The following PDZRN3 variants were observed in gnomAD, a reference collection of about 807,000 sequenced individuals.
PDZRN3 encodes E3 ubiquitin-protein ligase PDZRN3.
Under a neutral mutation model 85.7 loss-of-function variants are expected in PDZRN3, and 38 were observed. The ratio of observed to expected loss-of-function variants is 0.44; its 90% CI spans 0.34 to 0.58. The LOEUF is 0.58. Among genes scored for constraint, PDZRN3 ranks in the 20% least tolerant of loss-of-function variants. The probability of loss-of-function intolerance (pLI) is 0.01; values close to 1 mark genes in which losing one functional copy is unlikely to be tolerated. For synonymous variants in PDZRN3, 759 were observed against 638.0 expected (o/e 1.19, Z -2.86); for missense variants, 1,629 against 1,506.4 (o/e 1.08, Z -1.35).
intron 3 of PDZRN3, among the ~76,000 whole-genome samples, chr3:73,573,878 C>T (rs1239746663): frequency 6.6e-6 from 1 of 152,104 alleles, no homozygotes; most frequent in Non-Finnish European, 1.5e-5. Flanking sequence ...CAGCTCTAAA[C>T]ATTAACCCAT....
chr3:73,475,256 C>T (rs1044633888), intron 3 of PDZRN3, among the ~76,000 whole-genome samples: 1 of 152,200 alleles, frequency 6.6e-6, no homozygotes, highest in African/African-American at 2.4e-5. Flanking sequence ...AGATCATACC[C>T]TAATCACATC....
chr3:73,445,017 C>T (rs958194364), intron 3 of PDZRN3, among the ~76,000 whole-genome samples: 1 of 152,082 alleles, frequency 6.6e-6, no homozygotes, highest in South Asian at 2.1e-4. Flanking sequence ...GGTGAAGAGG[C>T]CTGTGACTGG....
intron 3 of PDZRN3, among the ~76,000 whole-genome samples, chr3:73,421,296 G>C (rs1279023945): frequency 6.6e-6 from 1 of 152,148 alleles, no homozygotes; most frequent in Non-Finnish European, 1.5e-5. Flanking sequence ...AAGAGTTTAA[G>C]GTTCAGAGAG....
At chr3:73,472,798 G>T (rs901681817) in intron 3 of PDZRN3, among the ~76,000 whole-genome samples, 2 of 152,156 alleles carry the variant, frequency 1.3e-5, no homozygotes, top group Non-Finnish European at 2.9e-5. Flanking sequence ...CGTTCAGAAA[G>T]CTGGATTAGC....
intron 3 of PDZRN3, among the ~76,000 whole-genome samples, chr3:73,553,210 T>C (rs774601364): frequency 1.2e-4 from 18 of 152,314 alleles, no homozygotes; most frequent in Admixed American, 3.3e-4. Context: ...TTCAGAATAG[T>C]GCTTACGCTT....
chr3:73,442,969 A>C (rs994845784), intron 3 of PDZRN3, among the ~76,000 whole-genome samples: 12 of 151,628 alleles, frequency 7.9e-5, no homozygotes, highest in Non-Finnish European at 1.3e-4. Context: ...ACTGCAGCCT[A>C]CCTCCCTCCC....
intron 3 of PDZRN3, among the ~76,000 whole-genome samples, chr3:73,543,710 G>A (rs983911604): frequency 1.3e-5 from 2 of 152,192 alleles, no homozygotes; most frequent in Non-Finnish European, 2.9e-5. Flanking sequence ...GAACTGCGCT[G>A]TAGAGAGTTA....
At chr3:73,500,844 A>G (rs779217006) in intron 3 of PDZRN3, among the ~76,000 whole-genome samples, 16 of 152,120 alleles carry the variant, frequency 1.1e-4, no homozygotes, top group Non-Finnish European at 1.9e-4. Flanking sequence ...ATTTCTTCAC[A>G]CAGCCTAACT....
At chr3:73,394,396 CCT>C (rs994098487) in intron 5 of PDZRN3, among the ~76,000 whole-genome samples, 66 of 152,254 alleles carry the variant, frequency 4.3e-4, no homozygotes, top group African/African-American at 1.5e-3. Flanking sequence ...CATCATAAAT[CCT>C]CTCAGAACAA....
intron 3 of PDZRN3, among the ~76,000 whole-genome samples, chr3:73,427,829 C>T (rs778429687): frequency 1.9e-4 from 29 of 152,206 alleles, no homozygotes; most frequent in African/African-American, 2.7e-4. Context: ...AAGTCCCTAC[C>T]TTCATGGGGC....
chr3:73,548,855 T>C (rs754817309), intron 3 of PDZRN3, among the ~76,000 whole-genome samples: 1 of 151,884 alleles, frequency 6.6e-6, no homozygotes, highest in Non-Finnish European at 1.5e-5. Flanking sequence ...GGTGAAGACA[T>C]AAGGAAAAAT....
At chr3:73,404,476 A>G in intron 3 of PDZRN3, 81 bp from the exon 4 acceptor site, 1 of 1,423,656 alleles carries the variant, frequency 7.0e-7, no homozygotes, top group East Asian at 2.3e-5. Flanking sequence ...GCCTGCTTTC[A>G]TGTGTAAGCA....
chr3:73,388,055 C>T lies in PDZRN3; in HGVS notation c.1431G>A (p.Glu477=). Reference sequence around the variant, plus strand: ...CCACAGCCTCTTCACGGTTCTGCACCTCTATCCCATTAATCTTTTAAAAAA... The same window carrying T: ...CCACAGCCTCTTCACGGTTCTGCACTTCTATCCCATTAATCTTTTAAAAAA... ...GDRIIQINGI[E]VQNREEAVAL... The change falls in exon 8 of 10, where the codon GAG becomes GAA. Residue 477 remains glutamate, a synonymous_variant. Coordinates refer to ENST00000263666, the MANE Select transcript of PDZRN3 (RefSeq NM_015009.3). 7.3e-7 allele frequency: 1 copy of T among 1,374,566 alleles called. No homozygotes were observed. Among genetic ancestry groups the T allele is most frequent in the Non-Finnish European group, 1.0e-6 (1 of 1,001,760 alleles). The allele number at this position is 1,374,566 out of a possible 1,614,324, so 85.1% of individuals were successfully genotyped here. A position where few individuals can be genotyped will look rare whatever the true frequency, so the allele number is the denominator to read the frequency against.
rs56393203 is a variant in PDZRN3, at chr3:73,584,452, G to GGTGTGT, written c.918+17896_918+17901dup. ...CAAGTTAAGTGGTGCTTCATTTAAT[G>GGTGTGT]GTGTGTGTGTGTGTGTGTGTGTGTG... On this transcript the variant is annotated intron_variant, in intron 3 of 9. Coordinates refer to ENST00000263666, the MANE Select transcript of PDZRN3 (RefSeq NM_015009.3). Among the ~76,000 whole-genome samples, 317 of 83,972 alleles carry GGTGTGT rather than the reference G, an allele frequency of 3.8e-3. 1 individual carries two copies. The highest frequency in any genetic ancestry group is 4.6e-3 in the Admixed American group (33 of 7,150). The allele number at this position is 83,972 out of a possible 152,430, so 55.1% of individuals were successfully genotyped here.
At chr3:73,511,503 G>T (rs2106707807) in intron 3 of PDZRN3, among the ~76,000 whole-genome samples, 1 of 152,282 alleles carries the variant, frequency 6.6e-6, no homozygotes, top group East Asian at 1.9e-4. Context: ...TCTTTGTGGG[G>T]CAAGCTTTTC....
intron 3 of PDZRN3, among the ~76,000 whole-genome samples, chr3:73,499,275 T>C (rs908007514): frequency 4.9e-4 from 74 of 152,302 alleles, no homozygotes; most frequent in African/African-American, 1.8e-3. Context: ...GGAGTTTTCA[T>C]TTGTAATCCG....
chr3:73,443,157 C>T lies in PDZRN3; in HGVS notation c.919-38762G>A, dbSNP rs939739061. ...CCTTCCACCTATTCATTCACGCCTC[C>T]GTATTGATTGCCTACTATGAGCCAG... On this transcript the variant is annotated intron_variant, in intron 3 of 9. Transcript: ENST00000263666. Among the ~76,000 whole-genome samples, 5 of 152,182 alleles carry T rather than the reference C, an allele frequency of 3.3e-5. No individual in the cohort carries two copies. In the South Asian group the frequency reaches 1.0e-3, roughly 32 times the overall value.
At chr3:73,537,714 G>A (rs908118547) in intron 3 of PDZRN3, among the ~76,000 whole-genome samples, 2 of 151,968 alleles carry the variant, frequency 1.3e-5, no homozygotes, top group East Asian at 3.9e-4. Context: ...CCATCTCCTG[G>A]GTTCAAGCGA....
intron 3 of PDZRN3, chr3:73,593,815 A>G (rs1383066402): frequency 6.6e-6 from 1 of 151,984 alleles, no homozygotes; most frequent in African/African-American, 2.4e-5. Flanking sequence ...AATCCCATCA[A>G]ACAAAATAAC....
Sources: allele counts gnomAD v4.1 joint callset (sites outside exome capture counted in the v4.1 genomes callset), GRCh38; gene constraint gnomAD v4.1.1; transcripts MANE v1.5; gene names NCBI Gene and HGNC (gene_info 2026-07-23, HGNC 2026-07-21).